The following TRHDE variants were observed in gnomAD, a reference collection of about 807,000 sequenced individuals.
TRHDE encodes thyrotropin-releasing hormone-degrading ectoenzyme.
A neutral mutation model predicts 125.7 loss-of-function variants in TRHDE; 72 were observed. The ratio of observed to expected loss-of-function variants is 0.57; its 90% CI spans 0.47 to 0.70. TRHDE has a LOEUF of 0.70. Among genes scored for constraint, TRHDE ranks in the 30% least tolerant of loss-of-function variants. The pLI, the probability that TRHDE is intolerant of heterozygous loss-of-function variation, is 0.00. For missense variants in TRHDE, 1,110 were observed against 1,327.1 expected (o/e 0.84, Z 2.54); for synonymous variants, 509 against 509.1 (o/e 1.00, Z 0.00).
At chr12:72,116,722 A>T (rs1875453696) in intron 2 of TRHDE, among the ~76,000 whole-genome samples, 1 of 151,720 alleles carries the variant, frequency 6.6e-6, no homozygotes, top group Non-Finnish European at 1.5e-5. Flanking sequence ...TTTCTTGTAA[A>T]TTTATTTAAG....
At chr12:72,179,610 C>T (rs531117588) in intron 2 of TRHDE, among the ~76,000 whole-genome samples, 1 of 152,108 alleles carries the variant, frequency 6.6e-6, no homozygotes, top group African/African-American at 2.4e-5. Context: ...TTCTGATCCT[C>T]TCAGTGAGAT....
chr12:72,486,531 G>A (rs1877415935), intron 5 of TRHDE, among the ~76,000 whole-genome samples: 1 of 152,116 alleles, frequency 6.6e-6, no homozygotes, highest in Non-Finnish European at 1.5e-5. Context: ...GACCACTGAG[G>A]TACCACAATT....
chr12:72,389,472 C>T (rs985198518), intron 3 of TRHDE, among the ~76,000 whole-genome samples: 23 of 152,138 alleles, frequency 1.5e-4, no homozygotes, highest in African/African-American at 4.6e-4. Flanking sequence ...TACCATAGAC[C>T]GGGTGACTAA....
At chr12:72,310,836 A>T (rs1307621424) in intron 2 of TRHDE, among the ~76,000 whole-genome samples, 5 of 152,142 alleles carry the variant, frequency 3.3e-5, no homozygotes, top group Admixed American at 3.3e-4. Context: ...CTCTAATGGT[A>T]TTGAATCAAG....
At chr12:72,544,608 G>T (rs1168685624) in intron 7 of TRHDE, among the ~76,000 whole-genome samples, 1 of 149,438 alleles carries the variant, frequency 6.7e-6, no homozygotes, top group South Asian at 2.1e-4. Context: ...TCTGGACTCA[G>T]ACCTTAAACT....
chr12:72,241,237 C>CTT (rs1403430014), intron 2 of TRHDE, among the ~76,000 whole-genome samples: 1 of 152,164 alleles, frequency 6.6e-6, no homozygotes. Context: ...GTCACCACCA[C>CTT]TACAATCAAG....
At chr12:72,452,548 C>A (rs932128157) in intron 3 of TRHDE, among the ~76,000 whole-genome samples, 2 of 152,032 alleles carry the variant, frequency 1.3e-5, no homozygotes, top group Non-Finnish European at 2.9e-5. Flanking sequence ...TAAATTATTG[C>A]TGTTGAGTAT....
At chr12:72,446,505 A>T (rs1018983401) in intron 3 of TRHDE, among the ~76,000 whole-genome samples, 6 of 152,070 alleles carry the variant, frequency 3.9e-5, no homozygotes, top group African/African-American at 1.4e-4. Flanking sequence ...TTCACACATA[A>T]CAATATTAAC....
chr12:72,361,135 C>T (rs1303339418), intron 2 of TRHDE, among the ~76,000 whole-genome samples: 1 of 151,826 alleles, frequency 6.6e-6, no homozygotes, highest in Non-Finnish European at 1.5e-5. Flanking sequence ...ATATTAGTGT[C>T]TGTTTCTCCT....
At chr12:72,566,037 A>G (rs915145509) in intron 9 of TRHDE, among the ~76,000 whole-genome samples, 2 of 152,070 alleles carry the variant, frequency 1.3e-5, no homozygotes, top group Admixed American at 6.5e-5. Flanking sequence ...AACTATGTTT[A>G]GGGTCTTCTA....
intron 2 of TRHDE, among the ~76,000 whole-genome samples, chr12:72,111,002 G>A (rs559264150): frequency 6.6e-6 from 1 of 152,144 alleles, no homozygotes; most frequent in Non-Finnish European, 1.5e-5. Context: ...GAAATGTGTC[G>A]TATAGACTCT....
In TRHDE at chr12:72,499,394, T is replaced by A. The variant is rs892583033; in HGVS notation, c.1585-104T>A. The A allele has an allele frequency of 5.0e-6, 7 of 1,405,318 alleles. No homozygotes were observed. In the South Asian group the frequency reaches 9.8e-5, roughly 20 times the overall value. 87.1% of individuals were successfully genotyped at this position (1,405,318 alleles called of 1,614,324 possible). ...AGAGTTGAGTCATGCCTTGGAAGACTGATGAACATCAGCAATTAAGTGACA... is the reference window on the plus strand; with the variant it reads ...AGAGTTGAGTCATGCCTTGGAAGACAGATGAACATCAGCAATTAAGTGACA... On this transcript the variant is annotated intron_variant, in intron 5 of 18. Coordinates refer to ENST00000261180, the MANE Select transcript of TRHDE (RefSeq NM_013381.3).
intron 7 of TRHDE, among the ~76,000 whole-genome samples, chr12:72,547,320 A>T (rs1014117070): frequency 6.6e-6 from 1 of 151,752 alleles, no homozygotes; most frequent in Admixed American, 6.6e-5. Flanking sequence ...AAGGAAATCA[A>T]ATCAACAATT....
At chr12:72,307,658 G>T (rs1346881015) in intron 2 of TRHDE, among the ~76,000 whole-genome samples, 1 of 152,110 alleles carries the variant, frequency 6.6e-6, no homozygotes, top group Non-Finnish European at 1.5e-5. Context: ...TTTGATATGG[G>T]TTGTGAGAAA....
At chr12:72,125,592 A>G (rs1320820808) in intron 2 of TRHDE, among the ~76,000 whole-genome samples, 1 of 152,194 alleles carries the variant, frequency 6.6e-6, no homozygotes, top group Non-Finnish European at 1.5e-5. Context: ...TTGTTCATAC[A>G]CTTACATATT....
chr12:72,336,506 C>CT (rs1410418062), intron 2 of TRHDE, among the ~76,000 whole-genome samples: 3 of 152,178 alleles, frequency 2.0e-5, no homozygotes, highest in Admixed American at 6.5e-5. Flanking sequence ...CTTTCTGTGT[C>CT]TGTCTTCCCC....
At chr12:72,541,399 A>T (rs1338093035) in intron 6 of TRHDE, among the ~76,000 whole-genome samples, 1 of 151,522 alleles carries the variant, frequency 6.6e-6, no homozygotes, top group African/African-American at 2.4e-5. Flanking sequence ...TACCTTTTGC[A>T]TTCATGTTGT....
chr12:72,608,401 T>G lies in TRHDE; in HGVS notation c.2322-10490T>G, dbSNP rs531692650. Among the ~76,000 whole-genome samples the G allele has an allele frequency of 3.3e-5, 5 of 152,342 alleles. No homozygotes were observed. The South Asian group carries it at 1.0e-3, about 32-fold the overall frequency. On this transcript the variant is annotated intron_variant, in intron 12 of 18. Coordinates refer to ENST00000261180, the MANE Select transcript of TRHDE (RefSeq NM_013381.3). ...TTGGGACCACATCCTGGTAATCTAT[T>G]TGTTTACCTGTGTCAACAATACTTC... is the stretch of plus-strand genomic sequence containing the variant.
intron 1 of TRHDE, among the ~76,000 whole-genome samples, chr12:72,097,824 A>C (rs1353894190): frequency 2.6e-5 from 4 of 152,028 alleles, no homozygotes; most frequent in Non-Finnish European, 5.9e-5. Context: ...CAGATTTCAG[A>C]GTTAAATACT....
Sources: gnomAD v4.1 joint callset for allele counts (sites outside exome capture counted in the v4.1 genomes callset) on GRCh38, gnomAD v4.1.1 for gene constraint, MANE v1.5 for transcripts, NCBI Gene and HGNC (gene_info 2026-07-23, HGNC 2026-07-21) for gene names.